The following FOXP1 variants were observed in gnomAD, a reference collection of about 807,000 sequenced individuals.
FOXP1 encodes the protein forkhead box P1, also known as forkhead box protein P1.
Under a neutral mutation model 98.2 loss-of-function variants are expected in FOXP1, and 15 were observed. The ratio of observed to expected loss-of-function variants is 0.15; its 90% CI spans 0.10 to 0.24. FOXP1 has a LOEUF of 0.24. Ranked by LOEUF, FOXP1 falls within the 10% of genes least tolerant of loss-of-function variation. The probability of loss-of-function intolerance (pLI) is 1.00; values close to 1 mark genes in which losing one functional copy is unlikely to be tolerated. For synonymous variants in FOXP1, 371 were observed against 314.5 expected, an observed-to-expected ratio of 1.18 and a Z score of -1.90; for missense variants, 633 against 848.5, an observed-to-expected ratio of 0.75 and a Z score of 3.15.
At chr3:71,197,740 GTCTT>G (rs1560100362) in intron 6 of FOXP1, 19 of 818,856 alleles carry the variant, frequency 2.3e-5, no homozygotes, top group Non-Finnish European at 2.5e-5. Context: ...ATCTCCGCCT[GTCTT>G]TCTATGTATT....
chr3:71,350,997 C>A (rs1027294159), intron 4 of FOXP1, among the ~76,000 whole-genome samples: 35 of 152,066 alleles, frequency 2.3e-4, no homozygotes, highest in African/African-American at 8.5e-4. Flanking sequence ...AGTGTTTCAC[C>A]GAAAGGCATG....
intron 5 of FOXP1, among the ~76,000 whole-genome samples, chr3:71,254,292 A>C: frequency 6.6e-6 from 1 of 152,168 alleles, no homozygotes; most frequent in South Asian, 2.1e-4. Context: ...GTACATCTTC[A>C]AGGCCCCCGC....
chr3:71,171,050 G>GCCAT (rs1026082126), intron 6 of FOXP1, among the ~76,000 whole-genome samples: 6 of 150,880 alleles, frequency 4.0e-5, no homozygotes, highest in Non-Finnish European at 8.8e-5. Flanking sequence ...CTTCTTTTCA[G>GCCAT]CCATCCATCC....
At chr3:71,054,293 G>A (rs972495241) in intron 7 of FOXP1, among the ~76,000 whole-genome samples, 19 of 152,116 alleles carry the variant, frequency 1.2e-4, no homozygotes, top group African/African-American at 4.6e-4. Flanking sequence ...CAGACCCTTC[G>A]CATGATGCCT....
intron 4 of FOXP1, among the ~76,000 whole-genome samples, chr3:71,344,682 C>T (rs1392820672): frequency 2.6e-5 from 4 of 151,906 alleles, no homozygotes; most frequent in Admixed American, 1.3e-4. Context: ...ACTAAAAATA[C>T]AAAAAAATTA....
intron 6 of FOXP1, among the ~76,000 whole-genome samples, chr3:71,142,983 AG>A (rs1469777134): frequency 7.2e-5 from 11 of 152,072 alleles, no homozygotes; most frequent in African/African-American, 2.2e-4. Flanking sequence ...AGGGCAGGGC[AG>A]GGCAGGGCTT....
intron 3 of FOXP1, among the ~76,000 whole-genome samples, chr3:71,372,854 T>A (rs1002978610): frequency 1.3e-5 from 2 of 152,146 alleles, no homozygotes; most frequent in African/African-American, 2.4e-5. Flanking sequence ...GCATCAGAAA[T>A]TGACTTGGGT....
intron 12 of FOXP1, among the ~76,000 whole-genome samples, chr3:71,001,499 G>T (rs561156508): frequency 6.6e-6 from 1 of 152,200 alleles, no homozygotes; most frequent in Admixed American, 6.5e-5. Context: ...ATGCATTCAC[G>T]TGAATGTCAG....
At chr3:71,150,296 T>A (rs961961947) in intron 6 of FOXP1, among the ~76,000 whole-genome samples, 18 of 152,246 alleles carry the variant, frequency 1.2e-4, no homozygotes, top group Admixed American at 1.0e-3. Context: ...AGAGCAATTA[T>A]GGTTTAATAT....
chr3:71,310,872 G>C (rs897299334), intron 4 of FOXP1, among the ~76,000 whole-genome samples: 5 of 152,192 alleles, frequency 3.3e-5, no homozygotes, highest in Non-Finnish European at 5.9e-5. Flanking sequence ...CAGATGACAG[G>C]CTCTCAAAGA....
At chr3:71,360,516 A>G (rs1222954398) in intron 3 of FOXP1, 2 of 152,220 alleles carry the variant, frequency 1.3e-5, no homozygotes, top group African/African-American at 2.4e-5. Context: ...TTGCTGACAG[A>G]TAAGTCAACT....
At chr3:71,571,158 T>C (rs1253042572) in intron 2 of FOXP1, 2 of 152,216 alleles carry the variant, frequency 1.3e-5, no homozygotes, top group East Asian at 3.9e-4. Flanking sequence ...AGAAACGCTT[T>C]GTTGACAAGG....
intron 6 of FOXP1, among the ~76,000 whole-genome samples, chr3:71,128,486 G>C (rs768447395): frequency 1.2e-4 from 19 of 152,124 alleles, no homozygotes; most frequent in Non-Finnish European, 2.4e-4. Flanking sequence ...TAGACTCTCT[G>C]TATTACAGCA....
At chr3:71,135,559 A>G (rs1309201358) in intron 6 of FOXP1, among the ~76,000 whole-genome samples, 1 of 152,198 alleles carries the variant, frequency 6.6e-6, no homozygotes, top group African/African-American at 2.4e-5. Flanking sequence ...TTCAGTTTAC[A>G]GCAGGCCAGA....
chr3:70,997,151 G>C (rs909256304), intron 13 of FOXP1, among the ~76,000 whole-genome samples: 3 of 152,204 alleles, frequency 2.0e-5, no homozygotes, highest in African/African-American at 4.8e-5. Context: ...CCAGTCAGTG[G>C]CTGAGAGAAC....
At chr3:70,996,808 G>T (rs192339404) in intron 13 of FOXP1, among the ~76,000 whole-genome samples, 1 of 152,170 alleles carries the variant, frequency 6.6e-6, no homozygotes, top group Non-Finnish European at 1.5e-5. Flanking sequence ...TTACGATGGG[G>T]CACATGTGTG....
In FOXP1 at chr3:70,957,194, C is replaced by T; in HGVS notation, c.*2053G>A. On this transcript the variant is annotated 3_prime_UTR_variant, in exon 21 of 21. Coordinates refer to ENST00000649528, the MANE Select transcript of FOXP1 (RefSeq NM_001349338.3). ...TGGGACTCCCTTCCTTCTGTAGCTCCTTTAATATTGTGTCCTATTTTTATC... is the reference window on the plus strand; with the variant it reads ...TGGGACTCCCTTCCTTCTGTAGCTCTTTTAATATTGTGTCCTATTTTTATC... The T allele has an allele frequency of 4.5e-6, 1 of 224,048 alleles. No homozygotes were observed. Among genetic ancestry groups the T allele is most frequent in the Non-Finnish European group, 8.9e-6 (1 of 112,182 alleles). 13.9% of individuals were successfully genotyped at this position (224,048 alleles called of 1,614,324 possible).
chr3:71,354,626 G>A (rs1393160959), intron 4 of FOXP1, among the ~76,000 whole-genome samples: 1 of 152,218 alleles, frequency 6.6e-6, no homozygotes, highest in Non-Finnish European at 1.5e-5. Context: ...TGAAACATGA[G>A]CAAATATAAT....
At chr3:71,087,922 T>C (rs2055313483) in intron 7 of FOXP1, among the ~76,000 whole-genome samples, 1 of 152,174 alleles carries the variant, frequency 6.6e-6, no homozygotes, top group African/African-American at 2.4e-5. Context: ...GTAAAATCTT[T>C]GTGGGGAGAG....
Sources: allele counts gnomAD v4.1 joint callset (sites outside exome capture counted in the v4.1 genomes callset), GRCh38; gene constraint gnomAD v4.1.1; transcripts MANE v1.5; gene names NCBI Gene and HGNC (gene_info 2026-07-23, HGNC 2026-07-21).